Variants in NELL1 observed in about 807,000 individuals in gnomAD.
The protein encoded by NELL1 is neural EGFL like 1, also known as protein kinase C-binding protein NELL1.
In NELL1, 76 loss-of-function variants were observed where a neutral mutation model predicts 107.4. That is an observed-to-expected ratio of 0.71 (90% confidence interval 0.59 to 0.86). NELL1 has a LOEUF of 0.86. Among genes scored for constraint, NELL1 ranks in the 40% least tolerant of loss-of-function variants. The probability of loss-of-function intolerance (pLI) is 0.00; values close to 1 mark genes in which losing one functional copy is unlikely to be tolerated. For synonymous variants in NELL1, 353 were observed against 341.2 expected (o/e 1.03, Z -0.38); for missense variants, 1,024 against 1,005.5 (o/e 1.02, Z -0.25).
chr11:21,163,359 C>T (rs761503429), intron 13 of NELL1, among the ~76,000 whole-genome samples: 2 of 152,068 alleles, frequency 1.3e-5, no homozygotes, highest in Non-Finnish European at 2.9e-5. Flanking sequence ...GATCTAGAGA[C>T]AGATTGTTTT....
intron 4 of NELL1, among the ~76,000 whole-genome samples, chr11:20,859,604 T>A (rs950919211): frequency 2.0e-5 from 3 of 152,204 alleles, no homozygotes; most frequent in Non-Finnish European, 4.4e-5. Context: ...ATTTTGATAT[T>A]CGCTACCTCA....
intron 15 of NELL1, among the ~76,000 whole-genome samples, chr11:21,489,399 A>C (rs868255251): frequency 1.4e-4 from 21 of 145,704 alleles, no homozygotes; most frequent in African/African-American, 5.3e-4. Flanking sequence ...AAAAAAAAAA[A>C]AAAAAAAAAC....
chr11:21,110,458 G>T (rs1021817314), intron 12 of NELL1, among the ~76,000 whole-genome samples: 29 of 152,172 alleles, frequency 1.9e-4, no homozygotes, highest in African/African-American at 7.0e-4. Flanking sequence ...AAATAGCTTG[G>T]CTGGCTTGAC....
chr11:20,709,369 T>C (rs1412608832), intron 2 of NELL1, among the ~76,000 whole-genome samples: 3 of 152,230 alleles, frequency 2.0e-5, no homozygotes, highest in African/African-American at 7.2e-5. Context: ...CTTTAATTTC[T>C]GGGTTCTCTA....
intron 17 of NELL1, among the ~76,000 whole-genome samples, chr11:21,565,430 A>G (rs1294327429): frequency 6.6e-6 from 1 of 151,852 alleles, no homozygotes; most frequent in Non-Finnish European, 1.5e-5. Context: ...GAAGCTTTGC[A>G]CCAGAATCAC....
chr11:21,539,269 G>A (rs1299384079), intron 16 of NELL1, among the ~76,000 whole-genome samples: 1 of 152,066 alleles, frequency 6.6e-6, no homozygotes, highest in South Asian at 2.1e-4. Flanking sequence ...AATATCTAGG[G>A]ATGGGTGCCT....
chr11:21,039,669 A>G (rs920962000), intron 12 of NELL1, among the ~76,000 whole-genome samples: 3 of 152,134 alleles, frequency 2.0e-5, no homozygotes, highest in African/African-American at 7.2e-5. Flanking sequence ...AACTGGTACA[A>G]TTTTCATTGT....
rs370983495 is a variant in NELL1 at position 20,669,709 on chromosome 11, G to A, written c.-15G>A. On this transcript the variant is annotated 5_prime_UTR_variant, in exon 1 of 20. Coordinates refer to ENST00000357134, the MANE Select transcript of NELL1 (RefSeq NM_006157.5). The surrounding 1 kb of genome is among the most constrained non-coding windows in gnomAD (Gnocchi z 4.4). Reference sequence around the variant, plus strand: ...AGCTTCGGTGCCCCCTGCTAGGCGGGGACCCTCGAGAGCGATGCCGATGGA... The same window carrying A: ...AGCTTCGGTGCCCCCTGCTAGGCGGAGACCCTCGAGAGCGATGCCGATGGA... The A allele has an allele frequency of 3.7e-6, 6 of 1,612,524 alleles. No individual in the cohort carries two copies. In the East Asian group the frequency reaches 6.7e-5, roughly 18 times the overall value.
chr11:21,360,316 T>G (rs1418325785), intron 14 of NELL1, among the ~76,000 whole-genome samples: 1 of 152,126 alleles, frequency 6.6e-6, no homozygotes, highest in Admixed American at 6.6e-5. Context: ...TCCTTTGGAG[T>G]TGACTTCCAG....
chr11:20,941,761 G>T lies in NELL1; in HGVS notation c.1071+3902G>T, dbSNP rs141944071. 7.2e-3 allele frequency among the ~76,000 whole-genome samples: 1,089 copies of T among 152,274 alleles called. 14 individuals are homozygous for T. The highest frequency in any genetic ancestry group is 0.025 in the African/African-American group (1,026 of 41,534). ...AATAGAACGCGAGGCCTAGGTATTT[G>T]TGTTGATGCTTTATTTATTTATTCT... On this transcript the variant is annotated intron_variant, in intron 10 of 19. Coordinates refer to ENST00000357134, the MANE Select transcript of NELL1 (RefSeq NM_006157.5).
chr11:20,691,904 C>T (rs1590208765), intron 2 of NELL1, among the ~76,000 whole-genome samples: 1 of 152,172 alleles, frequency 6.6e-6, no homozygotes, highest in African/African-American at 2.4e-5. Context: ...GCCATGAATC[C>T]ATCGGGTCCT....
chr11:21,486,955 C>T (rs534078598), intron 15 of NELL1, among the ~76,000 whole-genome samples: 11 of 152,018 alleles, frequency 7.2e-5, no homozygotes, highest in Admixed American at 6.5e-4. Flanking sequence ...TGAACAAAGA[C>T]TTTGTGGTGT....
intron 5 of NELL1, 150 bp from the exon 6 acceptor site, chr11:20,918,032 T>C (rs1564965999): frequency 1.7e-6 from 1 of 593,300 alleles, no homozygotes. Context: ...TGCTTTAGAG[T>C]AGTTCAGTAT....
intron 3 of NELL1, among the ~76,000 whole-genome samples, chr11:20,800,621 G>A (rs559941781): frequency 2.6e-5 from 4 of 152,302 alleles, no homozygotes; most frequent in Admixed American, 1.3e-4. Flanking sequence ...CAGAGTTTGT[G>A]AATATTTTCT....
At chr11:21,391,243 G>T (rs932285677) in intron 15 of NELL1, among the ~76,000 whole-genome samples, 1 of 151,642 alleles carries the variant, frequency 6.6e-6, no homozygotes, top group African/African-American at 2.4e-5. Context: ...TCCTATTCTT[G>T]TTAATTTATA....
At chr11:21,559,765 T>C (rs1856806263) in intron 16 of NELL1, among the ~76,000 whole-genome samples, 1 of 152,092 alleles carries the variant, frequency 6.6e-6, no homozygotes, top group Admixed American at 6.5e-5. Context: ...GACTCAGATC[T>C]CCATGGTGGT....
intron 12 of NELL1, among the ~76,000 whole-genome samples, chr11:20,976,099 TAC>T (rs1851626127): frequency 7.0e-6 from 1 of 142,962 alleles, no homozygotes; most frequent in Non-Finnish European, 1.5e-5. Context: ...CATTTATATA[TAC>T]ACATATCTGT....
rs1026740106 is a variant in NELL1, at chr11:20,718,790, G to T, written c.184+40730G>T. Among the ~76,000 whole-genome samples the T allele has an allele frequency of 3.3e-5, 5 of 152,298 alleles. No individual in the cohort carries two copies. The East Asian group carries it at 7.7e-4, about 24-fold the overall frequency. ...CGATGAGGAGAACGAGGGGCCAAAT[G>T]TTGATGAGGCAGAAGGAATATCGGC... On this transcript the variant is annotated intron_variant, in intron 2 of 19. Coordinates refer to ENST00000357134, the MANE Select transcript of NELL1 (RefSeq NM_006157.5).
At chr11:20,944,032 C>G (rs1480809163) in intron 10 of NELL1, among the ~76,000 whole-genome samples, 1 of 152,144 alleles carries the variant, frequency 6.6e-6, no homozygotes, top group Non-Finnish European at 1.5e-5. Context: ...TTATTTCTCC[C>G]AGGCAGCTTT....
Sources: gnomAD v4.1 joint callset for allele counts (sites outside exome capture counted in the v4.1 genomes callset) on GRCh38, gnomAD v4.1.1 for gene constraint, Gnocchi (gnomAD v3.1) non-coding constraint, MANE v1.5 for transcripts, NCBI Gene and HGNC (gene_info 2026-07-23, HGNC 2026-07-21) for gene names.